The following TIAM2 variants were observed in gnomAD, a reference collection of about 807,000 sequenced individuals.
TIAM2 encodes rho guanine nucleotide exchange factor TIAM2.
Under a neutral mutation model 152.9 loss-of-function variants are expected in TIAM2, and 80 were observed. The ratio of observed to expected loss-of-function variants is 0.52; its 90% CI spans 0.44 to 0.63. The LOEUF (loss-of-function observed/expected upper bound fraction) is 0.63, where lower values mean the gene tolerates loss of function less well. TIAM2 is among the 30% of genes least tolerant of loss of function. The probability of loss-of-function intolerance (pLI) is 0.00; values close to 1 mark genes in which losing one functional copy is unlikely to be tolerated. For missense variants in TIAM2, 1,965 were observed against 2,120.1 expected, an observed-to-expected ratio of 0.93 and a Z score of 1.44; for synonymous variants, 804 against 838.0, an observed-to-expected ratio of 0.96 and a Z score of 0.70.
intron 1 of TIAM2, among the ~76,000 whole-genome samples, chr6:155,074,152 T>C (rs1257220141): frequency 6.6e-6 from 1 of 152,162 alleles, no homozygotes; most frequent in African/African-American, 2.4e-5. Flanking sequence ...TTATTATTGA[T>C]TTGTTGATAT....
In TIAM2 at chr6:155,249,878, C is replaced by T. The variant is rs757807864; in HGVS notation, c.3860C>T (p.Ala1287Val). 11 of 1,612,988 alleles carry T rather than the reference C, an allele frequency of 6.8e-6. No individual in the cohort carries two copies. The highest frequency in any genetic ancestry group is 1.1e-5 in the South Asian group (1 of 90,972). Residue 1287 changes from alanine (A) to valine (V), a missense_variant, in exon 21 of 27, where the codon GCG becomes GTG. This residue lies in a region of TIAM2 where 935 missense variants were observed against 980.0 expected (regional missense o/e 0.95). Coordinates refer to ENST00000682666, the MANE Select transcript of TIAM2 (RefSeq NM_012454.4). Reference sequence around the variant, plus strand: ...GCACTAAAGGCAATGGAGAAAGTAGCGAGCCACATCAATGAGATGCAGAAG... The same window carrying T: ...GCACTAAAGGCAATGGAGAAAGTAGTGAGCCACATCAATGAGATGCAGAAG... Reference protein sequence around the residue: ...TEALKAMEKVASHINEMQKIY... With the variant: ...TEALKAMEKVVSHINEMQKIY...
chr6:155,076,411 T>G (rs540572503), intron 1 of TIAM2, among the ~76,000 whole-genome samples: 7 of 152,184 alleles, frequency 4.6e-5, no homozygotes, highest in Non-Finnish European at 8.8e-5. Context: ...ATGGGAAATA[T>G]GTTGCTAATT....
intron 4 of TIAM2, 94 bp downstream of exon 4, chr6:155,130,511 G>T: frequency 8.3e-7 from 1 of 1,202,106 alleles, no homozygotes; most frequent in Non-Finnish European, 1.2e-6. Flanking sequence ...GTGTTGTCGG[G>T]GTGCTTAAGT....
intron 1 of TIAM2, among the ~76,000 whole-genome samples, chr6:155,073,042 A>G (rs1025600847): frequency 2.0e-5 from 3 of 152,006 alleles, no homozygotes; most frequent in African/African-American, 7.2e-5. Flanking sequence ...CCATTTATAA[A>G]TTGGTGTTTT....
At chr6:155,074,545 G>A (rs1398724592) in intron 1 of TIAM2, among the ~76,000 whole-genome samples, 2 of 151,916 alleles carry the variant, frequency 1.3e-5, no homozygotes, top group Non-Finnish European at 2.9e-5. Flanking sequence ...TCGGGGTTTC[G>A]CCACGTGGGC....
At chr6:155,127,746 T>C (rs960118793) in intron 3 of TIAM2, 146 bp downstream of exon 3, 4 of 390,612 alleles carry the variant, frequency 1.0e-5, no homozygotes, top group African/African-American at 2.1e-5. Context: ...TCCATTTAAC[T>C]TCTGTTTTGT....
At chr6:155,216,995 G>T in intron 15 of TIAM2, 1 of 1,262,976 alleles carries the variant, frequency 7.9e-7, no homozygotes, top group Non-Finnish European at 1.0e-6. Context: ...GAGAGACAAC[G>T]TGTGTCTTAC....
chr6:155,094,521 C>T (rs1778370212), intron 2 of TIAM2, among the ~76,000 whole-genome samples: 1 of 148,266 alleles, frequency 6.7e-6, no homozygotes, highest in African/African-American at 2.5e-5. Flanking sequence ...GACTGCATGA[C>T]TCAGTCAGGC....
chr6:155,136,755 T>G (rs1479369499), intron 4 of TIAM2, among the ~76,000 whole-genome samples: 1 of 152,178 alleles, frequency 6.6e-6, no homozygotes, highest in Admixed American at 6.5e-5. Context: ...AATTTTCTAA[T>G]TTACCTTTCA....
intron 4 of TIAM2, among the ~76,000 whole-genome samples, chr6:155,133,129 C>T (rs146252422): frequency 6.6e-5 from 10 of 152,202 alleles, no homozygotes; most frequent in African/African-American, 2.2e-4. Flanking sequence ...CTGAGGCAGG[C>T]GGATCACTGG....
At chr6:155,061,196 T>C (rs1459546026) in intron 1 of TIAM2, among the ~76,000 whole-genome samples, 2 of 152,210 alleles carry the variant, frequency 1.3e-5, no homozygotes, top group African/African-American at 4.8e-5. Flanking sequence ...TACACACATT[T>C]ATATCTGTGT....
rs1211878105 is a variant in TIAM2, at chr6:155,045,354, G to A, written c.-208-44935G>A. Reference sequence around the variant, plus strand: ...TGGGATTACAGGTGTGAGCCACCACGCCCGGCAGAAAGCCCTTTTTCTATG... The same window carrying A: ...TGGGATTACAGGTGTGAGCCACCACACCCGGCAGAAAGCCCTTTTTCTATG... On this transcript the variant is annotated intron_variant, in intron 1 of 26. Transcript: ENST00000682666. 2.0e-5 allele frequency among the ~76,000 whole-genome samples: 3 copies of A among 151,914 alleles called. No individual in the cohort carries two copies. The East Asian group carries it at 5.8e-4, about 29-fold the overall frequency.
intron 14 of TIAM2, among the ~76,000 whole-genome samples, chr6:155,207,182 G>A (rs1781617701): frequency 6.6e-6 from 1 of 152,210 alleles, no homozygotes; most frequent in Admixed American, 6.5e-5. Context: ...CAGGATGCCT[G>A]TTTCAAACAG....
intron 1 of TIAM2, among the ~76,000 whole-genome samples, chr6:155,075,243 CTG>C (rs1409684200): frequency 1.3e-5 from 2 of 151,982 alleles, no homozygotes; most frequent in Non-Finnish European, 2.9e-5. Context: ...GTTTTCAAAA[CTG>C]TGCTAATGAT....
chr6:155,070,208 A>ATTTTTTTTTTTT (rs1777806540), intron 1 of TIAM2, among the ~76,000 whole-genome samples: 1 of 79,350 alleles, frequency 1.3e-5, no homozygotes, highest in African/African-American at 6.3e-5. Flanking sequence ...GCCTGGCCAG[A>ATTTTTTTTTTTT]CTTTTTTTTT....
chr6:155,151,653 GGAA>G (rs1345843095), intron 7 of TIAM2, among the ~76,000 whole-genome samples: 1 of 152,080 alleles, frequency 6.6e-6, no homozygotes, highest in African/African-American at 2.4e-5. Flanking sequence ...TAGTGTCTTT[GGAA>G]GATTAATCAG....
intron 15 of TIAM2, among the ~76,000 whole-genome samples, chr6:155,229,898 A>G (rs6930281): frequency 0.16 from 23,573 of 151,958 alleles, 3,165 homozygotes; most frequent in African/African-American, 0.35. Context: ...CCCTTTATAA[A>G]ACCATCAGAT....
At chr6:155,203,906 G>C (rs1007305616) in intron 14 of TIAM2, among the ~76,000 whole-genome samples, 2 of 152,168 alleles carry the variant, frequency 1.3e-5, no homozygotes, top group African/African-American at 4.8e-5. Flanking sequence ...TCTCTTAGAG[G>C]TAAAGTTGAG....
chr6:155,070,255 C>G (rs1777811680), intron 1 of TIAM2, among the ~76,000 whole-genome samples: 1 of 112,774 alleles, frequency 8.9e-6, no homozygotes, highest in South Asian at 3.3e-4. Flanking sequence ...GAGTCTCACT[C>G]TGTCGCCCAG....
Sources: allele counts gnomAD v4.1 joint callset (sites outside exome capture counted in the v4.1 genomes callset), GRCh38; gene constraint gnomAD v4.1.1; regional missense constraint gnomAD v4.1.1; transcripts MANE v1.5; gene names NCBI Gene and HGNC (gene_info 2026-07-23, HGNC 2026-07-21).